Variants in FHIP1A observed in about 807,000 individuals in gnomAD.
FHIP1A encodes the protein FHF complex subunit HOOK-interacting protein 1A.
Under a neutral mutation model 88.6 loss-of-function variants are expected in FHIP1A, and 61 were observed. That is an observed-to-expected ratio of 0.69 (90% confidence interval 0.56 to 0.85). FHIP1A has a LOEUF of 0.85. Ranked by LOEUF, FHIP1A falls within the 40% of genes least tolerant of loss-of-function variation. The pLI is 0.00. For synonymous variants in FHIP1A, 478 were observed against 496.0 expected, an observed-to-expected ratio of 0.96 and a Z score of 0.48; for missense variants, 1,154 against 1,273.5, an observed-to-expected ratio of 0.91 and a Z score of 1.43.
At position 151,409,289 on chromosome 4, in the gene FHIP1A, A is replaced by T. The variant is rs1354013315; in HGVS notation, c.-532A>T. On this transcript the variant is annotated 5_prime_UTR_variant, in exon 1 of 14. Transcript: ENST00000435205. ...CCTGAGTTTGAGCCGGGCCTGGAGG[A>T]CCTGGGCCAAGACTTTCGAGCGGCG... 2.0e-5 allele frequency: 3 copies of T among 152,284 alleles called. No homozygotes were observed. 9.4% of individuals were successfully genotyped at this position (152,284 alleles called of 1,614,324 possible). A position where few individuals can be genotyped will look rare whatever the true frequency, so the allele number is the denominator to read the frequency against.
chr4:151,636,760 C>T (rs28798801), intron 8 of FHIP1A, among the ~76,000 whole-genome samples: 5,159 of 152,116 alleles, frequency 0.034, 297 homozygotes, highest in African/African-American at 0.12. Flanking sequence ...CTCCACAAAT[C>T]GATCTACAGT....
chr4:151,438,291 C>T (rs1179602623), intron 1 of FHIP1A, among the ~76,000 whole-genome samples: 2 of 152,112 alleles, frequency 1.3e-5, no homozygotes, highest in Non-Finnish European at 2.9e-5. Flanking sequence ...TAGATACTCT[C>T]CGAGATGTTT....
chr4:151,415,299 G>T lies in FHIP1A; in HGVS notation c.-356+5834G>T, dbSNP rs564545092. ...CCTCCCAGGTTCGAGCAATTCTCCTGCCTCAGCCTCCTGAGTAGCTAGGAC... is the reference window on the plus strand; with the variant it reads ...CCTCCCAGGTTCGAGCAATTCTCCTTCCTCAGCCTCCTGAGTAGCTAGGAC... On this transcript the variant is annotated intron_variant, in intron 1 of 13. Transcript: ENST00000435205. 4.9e-4 allele frequency among the ~76,000 whole-genome samples: 74 copies of T among 151,730 alleles called. 3 individuals carry two copies. Among genetic ancestry groups the T allele is most frequent in the Admixed American group, 4.2e-3 (64 of 15,200 alleles).
chr4:151,547,783 G>A (rs967703616), intron 3 of FHIP1A, among the ~76,000 whole-genome samples: 2 of 152,092 alleles, frequency 1.3e-5, no homozygotes, highest in South Asian at 2.1e-4. Flanking sequence ...GCATGGTGGC[G>A]GGTGCTTGTA....
intron 10 of FHIP1A, among the ~76,000 whole-genome samples, chr4:151,647,859 A>G (rs370303130): frequency 3.3e-5 from 5 of 152,220 alleles, no homozygotes; most frequent in East Asian, 3.8e-4. Context: ...ATGATTCTCC[A>G]TAACTTGCCA....
chr4:151,416,263 A>G (rs2126510887), intron 1 of FHIP1A, among the ~76,000 whole-genome samples: 1 of 152,356 alleles, frequency 6.6e-6, no homozygotes, highest in Non-Finnish European at 1.5e-5. Context: ...AATGTCTAAA[A>G]GAGTTGATTA....
chr4:151,560,434 G>T (rs1308444164), intron 3 of FHIP1A, among the ~76,000 whole-genome samples: 1 of 151,990 alleles, frequency 6.6e-6, no homozygotes, highest in Non-Finnish European at 1.5e-5. Context: ...TTTTTTCCAG[G>T]AACATTTTTT....
chr4:151,480,240 G>A (rs1472577605), intron 2 of FHIP1A, among the ~76,000 whole-genome samples: 4 of 151,994 alleles, frequency 2.6e-5, no homozygotes, highest in African/African-American at 9.7e-5. Flanking sequence ...GATCATGATG[G>A]TAAAATATAA....
At chr4:151,608,506 C>T (rs4696102) in intron 7 of FHIP1A, among the ~76,000 whole-genome samples, 39,717 of 152,098 alleles carry the variant, frequency 0.26, 5,841 homozygotes, top group Non-Finnish European at 0.33. Context: ...TCCTGGGTTC[C>T]GGAGATTCTG....
chr4:151,553,047 T>A (rs1307289038), intron 3 of FHIP1A, among the ~76,000 whole-genome samples: 1 of 152,156 alleles, frequency 6.6e-6, no homozygotes, highest in African/African-American at 2.4e-5. Flanking sequence ...ATCTTTAAAT[T>A]GCACATACAG....
intron 7 of FHIP1A, among the ~76,000 whole-genome samples, chr4:151,602,985 A>G (rs1734931692): frequency 1.3e-5 from 2 of 152,194 alleles, no homozygotes; most frequent in South Asian, 4.1e-4. Context: ...TTTCCTCACC[A>G]GGCTAATAAA....
chr4:151,607,998 ATTTTCTTTTTCTTTTTTC>A (rs1397305714), intron 7 of FHIP1A, among the ~76,000 whole-genome samples: 148 of 65,404 alleles, frequency 2.3e-3, no homozygotes, highest in African/African-American at 3.9e-3. Flanking sequence ...ATCACTTTTG[ATTTTCTTTTTCTTTTTTC>A]TTTTCTTTTT....
chr4:151,578,794 A>G (rs1213644243), intron 5 of FHIP1A, among the ~76,000 whole-genome samples: 8 of 152,218 alleles, frequency 5.3e-5, no homozygotes, highest in South Asian at 2.1e-4. Flanking sequence ...AAACCTGCAC[A>G]TGGATGTTTA....
intron 11 of FHIP1A, among the ~76,000 whole-genome samples, chr4:151,655,694 T>G (rs1280174160): frequency 6.6e-6 from 1 of 152,186 alleles, no homozygotes; most frequent in Non-Finnish European, 1.5e-5. Context: ...TCAGTGTGCT[T>G]GTTCAGGATA....
chr4:151,540,780 G>A (rs1732254586), intron 3 of FHIP1A, among the ~76,000 whole-genome samples: 1 of 152,112 alleles, frequency 6.6e-6, no homozygotes, highest in Admixed American at 6.5e-5. Context: ...TCCTGAGTCA[G>A]GCAGCTGCTT....
At chr4:151,427,899 A>G (rs1733447257) in intron 1 of FHIP1A, among the ~76,000 whole-genome samples, 1 of 152,160 alleles carries the variant, frequency 6.6e-6, no homozygotes, top group Admixed American at 6.5e-5. Flanking sequence ...TTGCTTACTA[A>G]ATGGTTTATT....
At chr4:151,446,706 T>C (rs955348923) in intron 1 of FHIP1A, among the ~76,000 whole-genome samples, 5 of 151,666 alleles carry the variant, frequency 3.3e-5, no homozygotes, top group African/African-American at 1.2e-4. Flanking sequence ...TTGTGAAACA[T>C]TGTGATTGAG....
intron 6 of FHIP1A, 33 bp downstream of exon 6, chr4:151,586,832 T>C: frequency 3.4e-6 from 5 of 1,491,760 alleles, no homozygotes; most frequent in East Asian, 2.5e-5. Context: ...CCCTTTGCTA[T>C]GGCTTCATTC....
At chr4:151,574,804 G>T (rs1453060634) in intron 4 of FHIP1A, among the ~76,000 whole-genome samples, 1 of 152,066 alleles carries the variant, frequency 6.6e-6, no homozygotes, top group Non-Finnish European at 1.5e-5. Context: ...ACATTTTAAT[G>T]ATATAAAACG....
Sources: gnomAD v4.1 joint callset for allele counts (sites outside exome capture counted in the v4.1 genomes callset) on GRCh38, gnomAD v4.1.1 for gene constraint, MANE v1.5 for transcripts, NCBI Gene and HGNC (gene_info 2026-07-23, HGNC 2026-07-21) for gene names.